KIF20A: variants seen among roughly 807,000 people sequenced by gnomAD.
KIF20A encodes the protein kinesin family member 20A.
Under a neutral mutation model 113.0 loss-of-function variants are expected in KIF20A, and 66 were observed. The ratio of observed to expected loss-of-function variants is 0.58; its 90% CI spans 0.48 to 0.72. The LOEUF (loss-of-function observed/expected upper bound fraction) is 0.72. Ranked by LOEUF, KIF20A falls within the 30% of genes least tolerant of loss-of-function variation. The pLI is 0.00. For synonymous variants in KIF20A, 376 were observed against 402.3 expected, an observed-to-expected ratio of 0.93 and a Z score of 0.78; for missense variants, 927 against 1,077.6, an observed-to-expected ratio of 0.86 and a Z score of 1.96.
At position 138,183,029 on chromosome 5, in the gene KIF20A, AACTC is replaced by A. The variant is rs767362355; in HGVS notation, c.832+44_832+47del. On this transcript the variant is annotated intron_variant, in intron 7 of 18. Coordinates refer to ENST00000394894, the MANE Select transcript of KIF20A (RefSeq NM_005733.3). This position sits in a 1 kb window ranked among gnomAD's most constrained non-coding sequence, Gnocchi z 5.2. Reference sequence around the variant, plus strand: ...CTGGGCTCTGCCAAAAAATAGTAGGAACTCACTCCCTGTTCCTAATAGCTGCCAG... The same window carrying A: ...CTGGGCTCTGCCAAAAAATAGTAGGAACTCCCTGTTCCTAATAGCTGCCAG... 44 of 1,613,192 alleles carry A rather than the reference AACTC, an allele frequency of 2.7e-5. No homozygotes were observed. In the African/African-American group the frequency reaches 5.5e-4, roughly 20 times the overall value.
At chr5:138,179,870 G>A (rs889545502) in intron 2 of KIF20A, 25 bp downstream of exon 2, 1 of 1,611,760 alleles carries the variant, frequency 6.2e-7, no homozygotes. Flanking sequence ...GAGTGGCTGG[G>A]GCGGAAAGTG....
In KIF20A at chr5:138,184,503, T is replaced by TC. The variant is rs754927379; in HGVS notation, c.1519-6dup. 2.5e-6 allele frequency: 4 copies of TC among 1,610,620 alleles called. No individual in the cohort carries two copies. The East Asian group carries it at 8.9e-5, about 36-fold the overall frequency. On this transcript the variant is annotated splice_polypyrimidine_tract_variant and intron_variant, in intron 12 of 18. Coordinates refer to ENST00000394894, the MANE Select transcript of KIF20A (RefSeq NM_005733.3). The stretch of plus-strand genomic sequence containing the variant: ...ATGGAGTCAAGTAAGATATTTTTTT[T>TC]CCCTCTAGCTTGTGCATGCCCCACC...
At chr5:138,185,931 T>A in intron 16 of KIF20A, 30 bp from the exon 17 acceptor site, 1 of 1,597,724 alleles carries the variant, frequency 6.3e-7, no homozygotes, top group South Asian at 1.1e-5. Flanking sequence ...AAACCCCACA[T>A]ATTTTAAGTT....
rs1452142122 is a variant in KIF20A, at chr5:138,185,828, T to C, written c.2125+118T>C. Reference sequence around the variant, plus strand: ...TCCTAAACTGCAAGCTACATCCCCCTGACATTTCAATCTAGGATACACATA... The same window carrying C: ...TCCTAAACTGCAAGCTACATCCCCCCGACATTTCAATCTAGGATACACATA... On this transcript the variant is annotated intron_variant, in intron 16 of 18. Coordinates refer to ENST00000394894, the MANE Select transcript of KIF20A (RefSeq NM_005733.3). 3.8e-6 allele frequency: 5 copies of C among 1,330,620 alleles called. No homozygotes were observed. In the East Asian group the frequency reaches 1.2e-4, roughly 31 times the overall value. The allele number at this position is 1,330,620 out of a possible 1,614,324, so 82.4% of individuals were successfully genotyped here. A position where few individuals can be genotyped will look rare whatever the true frequency, so the allele number is the denominator to read the frequency against.
At chr5:138,184,475 C>T (rs750935679) in intron 12 of KIF20A, 37 bp from the exon 13 acceptor site, 2 of 1,611,096 alleles carry the variant, frequency 1.2e-6, no homozygotes, top group South Asian at 2.2e-5. Context: ...CTAGGGACTA[C>T]TTATGGAGTC....
At position 138,184,254 on chromosome 5, in the gene KIF20A, G is replaced by A. The variant is rs1283135384; in HGVS notation, c.1368G>A (p.Leu456=). 3 of 1,614,024 alleles carry A rather than the reference G, an allele frequency of 1.9e-6. No homozygotes were observed. Among genetic ancestry groups the A allele is most frequent in the Non-Finnish European group, 2.5e-6 (3 of 1,180,024 alleles). The change falls in exon 12 of 19, where the codon CTG becomes CTA. Residue 456 remains leucine, a synonymous_variant. Transcript: ENST00000394894. ...TCTCTGCCAGGTCAAAGCAGAACCT[G>A]GTTCCCTTCCGTGACAGCAAGTTGA... is the stretch of plus-strand genomic sequence containing the variant. ...QNQQNRSKQN[L]VPFRDSKLTR...
chr5:138,184,933 G>C lies in KIF20A; in HGVS notation c.1810G>C (p.Glu604Gln), dbSNP rs367612363. The change falls in exon 14 of 19, where the codon GAA becomes CAA. Residue 604 changes from glutamate (E) to glutamine (Q), a missense_variant. Transcript: ENST00000394894. ...GATGGTAGAACAGATGCAACAGCGG[G>C]AACAGTGGTGCAGGTACTAGCTGAG... ...NEMVEQMQQREQWCSEHLDTQ... is the reference protein window; with the variant it reads ...NEMVEQMQQRQQWCSEHLDTQ... The C allele has an allele frequency of 3.1e-6, 5 of 1,614,122 alleles. No individual in the cohort carries two copies. In the Admixed American group the frequency reaches 6.7e-5, roughly 22 times the overall value.
At chr5:138,180,957 G>A (rs1438088278) in intron 2 of KIF20A, among the ~76,000 whole-genome samples, 1 of 152,244 alleles carries the variant, frequency 6.6e-6, no homozygotes, top group Admixed American at 6.5e-5. Flanking sequence ...GATTATAGGC[G>A]TGAGCCCCTG....
intron 1 of KIF20A, chr5:138,179,440 G>A (rs1754596212): frequency 2.0e-6 from 1 of 497,622 alleles, no homozygotes; most frequent in South Asian, 2.2e-5. Context: ...CCAGATGTCT[G>A]TGGACTTCTG....
Position 138,183,465 on chromosome 5 carries a change from C to T in KIF20A, c.1028-5C>T. 6.2e-7 allele frequency: 1 copy of T among 1,613,690 alleles called. No individual in the cohort carries two copies. The highest frequency in any genetic ancestry group is 2.2e-5 in the East Asian group (1 of 44,878). On this transcript the variant is annotated splice_region_variant and splice_polypyrimidine_tract_variant and intron_variant, in intron 8 of 18. Transcript: ENST00000394894. The surrounding 1 kb of genome is among the most constrained non-coding windows in gnomAD (Gnocchi z 5.2). ...CCATCTTACACCCCTCTCCTTTGGC[C>T]CCAGATCTCAACTGGATTCATGTGC...
Position 138,187,091 on chromosome 5 carries a change from C to T in KIF20A, c.2356-5C>T. The T allele has an allele frequency of 1.2e-6, 2 of 1,603,994 alleles. No homozygotes were observed. Among genetic ancestry groups the T allele is most frequent in the Non-Finnish European group, 8.5e-7 (1 of 1,173,670 alleles). ...GTTTTCTATAACTTTATTGATCTTC[C>T]TTAGGACCAGACTCTGGCTGAACTG... On this transcript the variant is annotated splice_polypyrimidine_tract_variant and splice_region_variant and intron_variant, in intron 18 of 18. Transcript: ENST00000394894.
rs757940853 is a variant in KIF20A at position 138,179,787 on chromosome 5, G to A, written c.107G>A (p.Arg36His). ...STAADLGSVVRKNLLSDCSVV... is the reference protein window; with the variant it reads ...STAADLGSVVHKNLLSDCSVV... Reference sequence around the variant, plus strand: ...GCTGCAGATTTGGGGTCTGTGGTACGCAAGAACCTGCTATCAGACTGCTCT... The same window carrying A: ...GCTGCAGATTTGGGGTCTGTGGTACACAAGAACCTGCTATCAGACTGCTCT... Residue 36 changes from arginine (R) to histidine (H), a missense_variant, in exon 2 of 19, where the codon CGC becomes CAC. Physicochemically the swap from Arg to His is conservative, Grantham distance 29 (BLOSUM62 0). Coordinates refer to ENST00000394894, the MANE Select transcript of KIF20A (RefSeq NM_005733.3). 2 of 1,614,112 alleles carry A rather than the reference G, an allele frequency of 1.2e-6. No homozygotes were observed. The highest frequency in any genetic ancestry group is 1.7e-6 in the Non-Finnish European group (2 of 1,180,036).
chr5:138,186,122 C>CTGGTT, intron 17 of KIF20A, 70 bp downstream of exon 17: 1 of 1,508,606 alleles, frequency 6.6e-7, no homozygotes, highest in East Asian at 2.3e-5. Context: ...CACTCTATCA[C>CTGGTT]TGGTTCATGT....
chr5:138,185,283 C>T (rs1263595366), intron 15 of KIF20A, 86 bp downstream of exon 15: 1 of 929,652 alleles, frequency 1.1e-6, no homozygotes, highest in Non-Finnish European at 1.7e-6. Context: ...TAAACTACTC[C>T]AGTAAGGGCA....
Position 138,183,602 on chromosome 5 carries a change from A to T in KIF20A, c.1139+21A>T. ...CGCAGGTGAGTAGATTGTAAGAATA[A>T]ACTCTTCACTGTGTTCCAGGAAACA... On this transcript the variant is annotated intron_variant, in intron 9 of 18. Coordinates refer to ENST00000394894, the MANE Select transcript of KIF20A (RefSeq NM_005733.3). The surrounding 1 kb of genome is among the most constrained non-coding windows in gnomAD (Gnocchi z 5.2). The T allele has an allele frequency of 1.2e-6, 2 of 1,610,224 alleles. No individual in the cohort carries two copies. The highest frequency in any genetic ancestry group is 1.7e-6 in the Non-Finnish European group (2 of 1,176,602).
At chr5:138,185,417 G>A in intron 15 of KIF20A, 95 bp from the exon 16 acceptor site, 2 of 1,187,860 alleles carry the variant, frequency 1.7e-6, no homozygotes, top group South Asian at 1.3e-5. Context: ...GGTTTTCAAG[G>A]GATCAGTGTC....
chr5:138,184,375 G>A lies in KIF20A; in HGVS notation c.1489G>A (p.Val497Met). The change falls in exon 12 of 19, where the codon GTG becomes ATG. Residue 497 changes from valine to methionine, a missense_variant. Coordinates refer to ENST00000394894, the MANE Select transcript of KIF20A (RefSeq NM_005733.3). ...ATCTACCTATGATGAAACTCTTCAT[G>A]TGGCCAAGTTCTCAGCCATTGCTAG... ...CASTYDETLH[V>M]AKFSAIASQL... The A allele has an allele frequency of 6.2e-7, 1 of 1,614,204 alleles. No individual in the cohort carries two copies. Among genetic ancestry groups the A allele is most frequent in the Non-Finnish European group, 8.5e-7 (1 of 1,180,024 alleles).
rs1450734730 is a variant in KIF20A at position 138,179,737 on chromosome 5, A to G, written c.57A>G (p.Val19=). The change falls in exon 2 of 19, where the codon GTA becomes GTG. Residue 19 remains valine, a synonymous_variant. Transcript: ENST00000394894. ...GCTTGCTGTCCGATGACGATGTCGT[A>G]GTTTCTCCCATGTTTGAGTCCACAG... ...PAGLLSDDDV[V]VSPMFESTAA... is the part of the protein sequence containing the mutation. 6.2e-7 allele frequency: 1 copy of G among 1,613,958 alleles called. No homozygotes were observed. The highest frequency in any genetic ancestry group is 8.5e-7 in the Non-Finnish European group (1 of 1,180,018).
intron 15 of KIF20A, 46 bp from the exon 16 acceptor site, chr5:138,185,466 A>G (rs960677584): frequency 1.9e-6 from 3 of 1,574,788 alleles, no homozygotes; most frequent in Non-Finnish European, 2.6e-6. Flanking sequence ...TCTTAGCAAT[A>G]TTTTTCTGGC....
Sources: gnomAD v4.1 joint callset for allele counts (sites outside exome capture counted in the v4.1 genomes callset) on GRCh38, gnomAD v4.1.1 for gene constraint, Gnocchi (gnomAD v3.1) non-coding constraint, MANE v1.5 for transcripts, NCBI Gene and HGNC (gene_info 2026-07-23, HGNC 2026-07-21) for gene names.